The following HS3ST4 variants were observed in gnomAD, a reference collection of about 807,000 sequenced individuals.
HS3ST4 encodes heparan sulfate glucosamine 3-O-sulfotransferase 4.
A neutral mutation model predicts 29.2 loss-of-function variants in HS3ST4; 17 were observed. That is an observed-to-expected ratio of 0.58 (90% CI 0.40 to 0.87). HS3ST4 has a LOEUF of 0.87. Ranked by LOEUF, HS3ST4 falls within the 40% of genes least tolerant of loss-of-function variation. The pLI is 0.00. For missense variants in HS3ST4, 627 were observed against 634.5 expected (o/e 0.99, Z 0.13); for synonymous variants, 314 against 285.7 (o/e 1.10, Z -1.00).
chr16:25,884,334 A>C (rs1486367452), intron 1 of HS3ST4, among the ~76,000 whole-genome samples: 1 of 152,174 alleles, frequency 6.6e-6, no homozygotes, highest in Non-Finnish European at 1.5e-5. Context: ...TGCATGATTC[A>C]AGTCTCAGAT....
At chr16:25,759,772 T>A (rs1459652867) in intron 1 of HS3ST4, among the ~76,000 whole-genome samples, 2 of 151,890 alleles carry the variant, frequency 1.3e-5, no homozygotes, top group Non-Finnish European at 2.9e-5. Context: ...GAAAAAAATT[T>A]AAAAAATTAA....
chr16:25,969,827 A>G (rs1168865728), intron 1 of HS3ST4, among the ~76,000 whole-genome samples: 1 of 152,164 alleles, frequency 6.6e-6, no homozygotes, highest in East Asian at 1.9e-4. Context: ...GATGGTCCCC[A>G]TTTCAGATCA....
chr16:26,118,609 T>G (rs1172443920), intron 1 of HS3ST4, among the ~76,000 whole-genome samples: 1 of 152,198 alleles, frequency 6.6e-6, no homozygotes, highest in African/African-American at 2.4e-5. Flanking sequence ...AATTTAAAAT[T>G]AATAGCTACT....
intron 1 of HS3ST4, among the ~76,000 whole-genome samples, chr16:25,904,562 A>G (rs1290855142): frequency 6.6e-6 from 1 of 152,202 alleles, no homozygotes; most frequent in African/African-American, 2.4e-5. Context: ...TTGTGGGGAC[A>G]GGTTGCTTGG....
intron 1 of HS3ST4, among the ~76,000 whole-genome samples, chr16:26,008,410 C>T (rs1262789744): frequency 6.6e-6 from 1 of 152,184 alleles, no homozygotes; most frequent in Non-Finnish European, 1.5e-5. Context: ...CACCCTGACA[C>T]AGGAAGGGTA....
At chr16:25,928,678 T>A (rs1968434140) in intron 1 of HS3ST4, among the ~76,000 whole-genome samples, 1 of 152,188 alleles carries the variant, frequency 6.6e-6, no homozygotes, top group East Asian at 1.9e-4. Flanking sequence ...TTGCCGTATG[T>A]TTTGAAAGGT....
At chr16:26,026,811 C>T (rs1969480277) in intron 1 of HS3ST4, among the ~76,000 whole-genome samples, 2 of 152,288 alleles carry the variant, frequency 1.3e-5, no homozygotes, top group South Asian at 4.1e-4. Context: ...AGAAATGGCA[C>T]TGGTGCTCAA....
At chr16:26,051,345 C>T (rs146090893) in intron 1 of HS3ST4, among the ~76,000 whole-genome samples, 279 of 152,286 alleles carry the variant, frequency 1.8e-3, no homozygotes, top group Middle Eastern at 3.4e-3. Flanking sequence ...TGTCTACACA[C>T]AGATAACACA....
At chr16:25,752,678 T>A (rs1056017395) in intron 1 of HS3ST4, among the ~76,000 whole-genome samples, 2 of 152,210 alleles carry the variant, frequency 1.3e-5, no homozygotes, top group Non-Finnish European at 2.9e-5. Context: ...AACCATACAT[T>A]AAACAAAGTA....
chr16:25,692,611 T>A lies in HS3ST4; in HGVS notation c.194T>A (p.Leu65Gln), dbSNP rs1280208580. Residue 65 changes from leucine to glutamine, a missense_variant, in exon 1 of 2, where the codon CTG (leucine) becomes CAG (glutamine). This residue lies in a region of HS3ST4 where 402 missense variants were observed against 340.8 expected (regional missense o/e 1.18). Coordinates refer to ENST00000331351, the MANE Select transcript of HS3ST4 (RefSeq NM_006040.3). ...GSGSLQFPLALQESPGAAAEP... is the reference protein window; with the variant it reads ...GSGSLQFPLAQQESPGAAAEP... ...GGCTCCCTGCAATTCCCTCTGGCGC[T>A]GCAGGAGTCGCCGGGCGCCGCCGCC... 7.3e-7 allele frequency: 1 copy of A among 1,379,302 alleles called. No individual in the cohort carries two copies. Among genetic ancestry groups the A allele is most frequent in the Non-Finnish European group, 9.5e-7 (1 of 1,055,874 alleles). The allele number at this position is 1,379,302 out of a possible 1,614,324, so 85.4% of individuals were successfully genotyped here.
intron 1 of HS3ST4, among the ~76,000 whole-genome samples, chr16:25,788,073 C>A (rs555255740): frequency 2.6e-4 from 39 of 152,196 alleles, no homozygotes; most frequent in African/African-American, 9.2e-4. Flanking sequence ...TATTGGCTTG[C>A]AAAGTTGAAA....
At chr16:25,847,178 T>C (rs1967475348) in intron 1 of HS3ST4, among the ~76,000 whole-genome samples, 1 of 152,206 alleles carries the variant, frequency 6.6e-6, no homozygotes, top group Non-Finnish European at 1.5e-5. Context: ...TCTTTTAACT[T>C]ATTTATTGTT....
intron 1 of HS3ST4, among the ~76,000 whole-genome samples, chr16:25,811,491 T>G (rs1446250244): frequency 6.8e-6 from 1 of 147,658 alleles, no homozygotes; most frequent in Non-Finnish European, 1.5e-5. Flanking sequence ...TGGAGTGCAA[T>G]GTCACGATCT....
intron 1 of HS3ST4, among the ~76,000 whole-genome samples, chr16:25,750,291 T>A (rs553343062): frequency 1.3e-5 from 2 of 152,338 alleles, no homozygotes; most frequent in East Asian, 3.9e-4. Flanking sequence ...CAAAATTTAA[T>A]GTTCTAGTGA....
At chr16:26,046,741 A>G (rs1043686096) in intron 1 of HS3ST4, among the ~76,000 whole-genome samples, 2 of 151,808 alleles carry the variant, frequency 1.3e-5, no homozygotes, top group African/African-American at 2.4e-5. Flanking sequence ...GTGTGTGTGT[A>G]TGTGTGTAAA....
Position 26,082,296 on chromosome 16 carries a change from C to T in HS3ST4, c.735-53316C>T, listed in dbSNP as rs546070954. 2.1e-3 allele frequency among the ~76,000 whole-genome samples: 317 copies of T among 152,302 alleles called. 1 individual carries two copies. Among genetic ancestry groups the T allele is most frequent in the African/African-American group, 7.2e-3 (300 of 41,572 alleles). ...ACTTCCCAGGCTGCAGTTGCAACTACGTGGTCTTCTGTTATTTCTCAGTGG... is the reference window on the plus strand; with the variant it reads ...ACTTCCCAGGCTGCAGTTGCAACTATGTGGTCTTCTGTTATTTCTCAGTGG... On this transcript the variant is annotated intron_variant, in intron 1 of 1. Transcript: ENST00000331351.
At chr16:26,007,138 A>G (rs561889044) in intron 1 of HS3ST4, among the ~76,000 whole-genome samples, 1 of 152,342 alleles carries the variant, frequency 6.6e-6, no homozygotes, top group African/African-American at 2.4e-5. Flanking sequence ...GATCTGACAA[A>G]TATGTCCTCA....
intron 1 of HS3ST4, among the ~76,000 whole-genome samples, chr16:25,828,343 T>C (rs182850874): frequency 6.5e-5 from 9 of 138,574 alleles, no homozygotes; most frequent in Admixed American, 2.2e-4. Flanking sequence ...TCTCTCTTTC[T>C]CCCTTTCTCT....
chr16:26,103,569 A>G (rs1899014853), intron 1 of HS3ST4, among the ~76,000 whole-genome samples: 1 of 152,154 alleles, frequency 6.6e-6, no homozygotes, highest in African/African-American at 2.4e-5. Context: ...GCCCAAGGTA[A>G]CTTCTCTATC....
Sources: allele counts gnomAD v4.1 joint callset (sites outside exome capture counted in the v4.1 genomes callset), GRCh38; gene constraint gnomAD v4.1.1; regional missense constraint gnomAD v4.1.1; transcripts MANE v1.5; gene names NCBI Gene and HGNC (gene_info 2026-07-23, HGNC 2026-07-21).